PAM: variants seen among roughly 807,000 people sequenced by gnomAD.
The protein encoded by PAM is peptidylglycine alpha-amidating monooxygenase.
A neutral mutation model predicts 122.1 loss-of-function variants in PAM; 72 were observed. That is an observed-to-expected ratio of 0.59 (90% CI 0.49 to 0.72). The LOEUF (loss-of-function observed/expected upper bound fraction) is 0.72, where lower values mean the gene tolerates loss of function less well. PAM is among the 30% of genes least tolerant of loss of function. The pLI is 0.00. For missense variants in PAM, 1,106 were observed against 1,183.7 expected, an observed-to-expected ratio of 0.93 and a Z score of 0.96; for synonymous variants, 389 against 404.4, an observed-to-expected ratio of 0.96 and a Z score of 0.46.
intron 1 of PAM, among the ~76,000 whole-genome samples, chr5:102,819,035 GA>G (rs1353407040): frequency 6.6e-6 from 1 of 152,152 alleles, no homozygotes; most frequent in East Asian, 1.9e-4. Context: ...GAGGGCGAAA[GA>G]GAATAACTGA....
At chr5:102,932,485 A>AAAAT (rs748494732) in intron 7 of PAM, among the ~76,000 whole-genome samples, 1 of 151,026 alleles carries the variant, frequency 6.6e-6, no homozygotes. Context: ...ACTCCATCTC[A>AAAAT]AAATAAATAA....
chr5:103,028,823 T>A, intron 25 of PAM, 64 bp from the exon 26 acceptor site: 1 of 1,015,678 alleles, frequency 9.8e-7, no homozygotes, highest in Non-Finnish European at 1.4e-6. Context: ...CATTTAAGAA[T>A]TTACAAGGTA....
intron 21 of PAM, among the ~76,000 whole-genome samples, chr5:103,012,734 T>C (rs1339111487): frequency 1.3e-5 from 2 of 151,780 alleles, no homozygotes; most frequent in African/African-American, 2.4e-5. Flanking sequence ...TGGGCGCCTG[T>C]AGTCCCAGCT....
At chr5:103,002,891 A>G (rs548434519) in intron 16 of PAM, 142 bp from the exon 17 acceptor site, 1 of 627,052 alleles carries the variant, frequency 1.6e-6, no homozygotes, top group Non-Finnish European at 2.9e-6. Context: ...TTATAATCCA[A>G]ATGACTGAAA....
At chr5:102,948,270 A>G in intron 8 of PAM, 108 bp from the exon 9 acceptor site, 1 of 585,334 alleles carries the variant, frequency 1.7e-6, no homozygotes. Flanking sequence ...TTCAATTTTC[A>G]AAAGCATCAC....
intron 7 of PAM, among the ~76,000 whole-genome samples, chr5:102,937,071 A>T (rs1753509086): frequency 6.6e-6 from 1 of 152,148 alleles, no homozygotes; most frequent in Admixed American, 6.6e-5. Context: ...CTAGCACTTT[A>T]TTTCATTTAG....
chr5:103,014,908 T>G (rs1053341663), intron 21 of PAM, among the ~76,000 whole-genome samples: 2 of 152,150 alleles, frequency 1.3e-5, no homozygotes, highest in African/African-American at 4.8e-5. Flanking sequence ...ATACACACCC[T>G]TCGGACAGGC....
rs185626697 is a variant in PAM, at chr5:102,826,264, A to G, written c.-373-39559A>G. On this transcript the variant is annotated intron_variant, in intron 1 of 25. Coordinates refer to ENST00000438793, the MANE Select transcript of PAM (RefSeq NM_001177306.2). ...ATATACTTTCTTACAAATAACTTTT[A>G]ATCTATGTATTTATGTGGAATGAGA... Among the ~76,000 whole-genome samples the G allele has an allele frequency of 5.9e-4, 90 of 152,284 alleles. No homozygotes were observed. In the East Asian group the frequency reaches 0.013, roughly 22 times the overall value.
At chr5:102,979,423 A>G (rs1768961858) in intron 15 of PAM, among the ~76,000 whole-genome samples, 1 of 152,146 alleles carries the variant, frequency 6.6e-6, no homozygotes, top group South Asian at 2.1e-4. Context: ...GGCATTTCTG[A>G]TGAATAACAA....
intron 5 of PAM, among the ~76,000 whole-genome samples, chr5:102,919,177 T>G (rs952655387): frequency 6.6e-6 from 1 of 152,124 alleles, no homozygotes; most frequent in Non-Finnish European, 1.5e-5. Context: ...TTCTATTTAT[T>G]AACCACCTGC....
intron 1 of PAM, among the ~76,000 whole-genome samples, chr5:102,780,775 CT>C (rs1263314251): frequency 7.9e-6 from 1 of 127,052 alleles, no homozygotes; most frequent in Non-Finnish European, 1.7e-5. Context: ...TTCTTTCTTT[CT>C]TTCTTTCTTT....
At chr5:102,879,074 G>A (rs566243133) in intron 3 of PAM, among the ~76,000 whole-genome samples, 7 of 152,082 alleles carry the variant, frequency 4.6e-5, no homozygotes, top group African/African-American at 9.6e-5. Context: ...GACTACAGGC[G>A]CCTGCCACCA....
At chr5:102,987,532 A>G (rs1467522481) in intron 15 of PAM, 1 of 456,028 alleles carries the variant, frequency 2.2e-6, no homozygotes, top group Non-Finnish European at 4.4e-6. Flanking sequence ...AAGAGAAGAT[A>G]TGAAATGTTT....
intron 21 of PAM, among the ~76,000 whole-genome samples, chr5:103,012,318 T>A (rs1196516952): frequency 6.6e-6 from 1 of 152,220 alleles, no homozygotes; most frequent in Non-Finnish European, 1.5e-5. Context: ...TTGTGGGGTA[T>A]TACTCAAAAC....
intron 1 of PAM, among the ~76,000 whole-genome samples, chr5:102,805,050 G>A (rs901978326): frequency 4.1e-5 from 6 of 145,186 alleles, no homozygotes; most frequent in Non-Finnish European, 6.0e-5. Flanking sequence ...TGTTTCTTAT[G>A]AAAGGGAATT....
At chr5:102,851,670 T>G (rs1171625482) in intron 1 of PAM, among the ~76,000 whole-genome samples, 1 of 152,200 alleles carries the variant, frequency 6.6e-6, no homozygotes, top group Admixed American at 6.5e-5. Flanking sequence ...AATAGGCCAT[T>G]TTAACATATT....
intron 5 of PAM, among the ~76,000 whole-genome samples, chr5:102,919,775 A>T (rs1448926568): frequency 1.3e-5 from 2 of 152,082 alleles, no homozygotes; most frequent in African/African-American, 4.8e-5. Context: ...TTTAAAACAC[A>T]GTTGGTCTCT....
rs185762887 is a variant in PAM, at chr5:102,786,049, G to A, written c.-374+30701G>A. Among the ~76,000 whole-genome samples, 445 of 152,194 alleles carry A rather than the reference G, an allele frequency of 2.9e-3. 4 individuals carry two copies. The highest frequency in any genetic ancestry group is 0.01 in the African/African-American group (418 of 41,526). On this transcript the variant is annotated intron_variant, in intron 1 of 25. Transcript: ENST00000438793. ...TATGGAATATGTTAGCAGAATTATG[G>A]TAAAGCAAAGTTTGCATTTTGTAAA...
intron 1 of PAM, among the ~76,000 whole-genome samples, chr5:102,845,506 T>C (rs1403284909): frequency 1.3e-5 from 2 of 152,146 alleles, no homozygotes; most frequent in Non-Finnish European, 2.9e-5. Flanking sequence ...AAATTACTGA[T>C]AAGGTAGGAA....
Sources: gnomAD v4.1 joint callset for allele counts (sites outside exome capture counted in the v4.1 genomes callset) on GRCh38, gnomAD v4.1.1 for gene constraint, MANE v1.5 for transcripts, NCBI Gene and HGNC (gene_info 2026-07-23, HGNC 2026-07-21) for gene names.